The following COL2A1 variants were observed in gnomAD, a reference collection of about 807,000 sequenced individuals.
COL2A1 encodes the protein collagen alpha-1(II) chain.
A neutral mutation model predicts 204.5 loss-of-function variants in COL2A1; 28 were observed. The observed-to-expected ratio is 0.14, with a 90% CI of 0.10 to 0.19. The LOEUF is 0.19. COL2A1 is among the 10% of genes least tolerant of loss of function. The probability of loss-of-function intolerance (pLI) is 1.00; values close to 1 mark genes in which losing one functional copy is unlikely to be tolerated. For missense variants in COL2A1, 1,388 were observed against 2,027.5 expected (o/e 0.68, Z 6.06); for synonymous variants, 708 against 718.7 (o/e 0.99, Z 0.24).
chr12:47,997,770 T>G, intron 6 of COL2A1, 63 bp from the exon 7 acceptor site: 1 of 1,612,534 alleles, frequency 6.2e-7, no homozygotes, highest in Non-Finnish European at 8.5e-7. Context: ...CATCTGTCCC[T>G]TGGCTGCTCT....
intron 10 of COL2A1, among the ~76,000 whole-genome samples, 155 bp from the exon 11 acceptor site, chr12:47,995,463 G>A (rs1233354255): frequency 2.0e-5 from 3 of 152,224 alleles, no homozygotes; most frequent in Non-Finnish European, 2.9e-5. Flanking sequence ...ATAGTGGGAC[G>A]CAGCAGATAG....
In COL2A1 at chr12:47,976,826, G is replaced by A. The variant is rs746919836; in HGVS notation, c.3421C>T (p.Leu1141=). Residue 1141 remains leucine (L), a synonymous_variant, in exon 48 of 54, where the codon CTG becomes TTG. Coordinates refer to ENST00000380518, the MANE Select transcript of COL2A1 (RefSeq NM_001844.5). This position sits in a 1 kb window ranked among gnomAD's most constrained non-coding sequence, Gnocchi z 4.3. ...GTGACACTCACAGGAGGGCCGGGCA[G>A]ACCCTGCAGACCAGTGAAGCCACGG... The part of the protein sequence containing the change: ...GHRGFTGLQG[L]PGPPGPSGDQ... 1.2e-6 allele frequency: 2 copies of A among 1,613,186 alleles called. No homozygotes were observed. Among genetic ancestry groups the A allele is most frequent in the Non-Finnish European group, 1.7e-6 (2 of 1,179,686 alleles).
intron 53 of COL2A1, 87 bp downstream of exon 53, chr12:47,974,002 G>A: frequency 6.3e-7 from 1 of 1,589,924 alleles, no homozygotes; most frequent in Non-Finnish European, 8.6e-7. Context: ...GTCACTTTAG[G>A]ACCTGACAGC....
intron 52 of COL2A1, 101 bp downstream of exon 52, chr12:47,974,574 G>A: frequency 2.1e-6 from 3 of 1,407,492 alleles, no homozygotes; most frequent in Non-Finnish European, 3.0e-6. Context: ...CAGAAAACTG[G>A]AGGAAAATAT....
At chr12:47,986,725 A>G in intron 22 of COL2A1, 110 bp downstream of exon 22, 1 of 1,272,914 alleles carries the variant, frequency 7.9e-7, no homozygotes, top group Non-Finnish European at 1.2e-6. Flanking sequence ...GAAAGGACCC[A>G]GATTGGGGGA....
chr12:48,001,987 G>A (rs1940257686), intron 1 of COL2A1, among the ~76,000 whole-genome samples: 2 of 152,184 alleles, frequency 1.3e-5, no homozygotes, highest in Admixed American at 1.3e-4. Flanking sequence ...GGAGCCGAGA[G>A]GTGGCGGCGG....
chr12:47,983,194 C>T, intron 31 of COL2A1, 57 bp from the exon 32 acceptor site: 1 of 1,578,782 alleles, frequency 6.3e-7, no homozygotes, highest in Non-Finnish European at 8.7e-7. Context: ...GACCCCTGAA[C>T]AATTCTCCAC....
Position 47,980,982 on chromosome 12 carries a change from G to C in COL2A1, c.2464-14C>G, listed in dbSNP as rs1307399365. On this transcript the variant is annotated splice_polypyrimidine_tract_variant and intron_variant, in intron 37 of 53. Transcript: ENST00000380518. This position sits in a 1 kb window ranked among gnomAD's most constrained non-coding sequence, Gnocchi z 4.5. ...TCCACGTTCACCCTGTGAGAGAAGGGGGCATGGCGAGAGGTCAGGCCCCGC... is the reference window on the plus strand; with the variant it reads ...TCCACGTTCACCCTGTGAGAGAAGGCGGCATGGCGAGAGGTCAGGCCCCGC... 1 of 1,550,560 alleles carries C rather than the reference G, an allele frequency of 6.4e-7. No homozygotes were observed.
chr12:47,974,940 G>A, intron 51 of COL2A1, 78 bp from the exon 52 acceptor site: 4 of 1,443,862 alleles, frequency 2.8e-6, no homozygotes, highest in Non-Finnish European at 3.8e-6. Context: ...AGGCCTGACT[G>A]AAAGAGACAG....
intron 16 of COL2A1, among the ~76,000 whole-genome samples, chr12:47,991,401 G>A (rs995720711): frequency 1.3e-5 from 2 of 152,212 alleles, no homozygotes; most frequent in African/African-American, 4.8e-5. Context: ...CACTAGATCA[G>A]CACTTGGATC....
At chr12:47,982,802 C>A in intron 33 of COL2A1, 46 bp downstream of exon 33, 3 of 1,534,546 alleles carry the variant, frequency 2.0e-6, no homozygotes, top group Non-Finnish European at 2.7e-6. Context: ...CTCAGTGGGA[C>A]TCCCAGGCTA....
rs758889025 is a variant in COL2A1 at position 47,976,079 on chromosome 12, G to A, written c.3490-9C>T. ...ACGGGGCCAGGAGGACCCTGCAAGA[G>A]AGAGAGGTCGTGAGGAAAGAGTGGT... On this transcript the variant is annotated splice_polypyrimidine_tract_variant and intron_variant, in intron 49 of 53. Coordinates refer to ENST00000380518, the MANE Select transcript of COL2A1 (RefSeq NM_001844.5). This position sits in a 1 kb window ranked among gnomAD's most constrained non-coding sequence, Gnocchi z 4.3. The A allele has an allele frequency of 1.2e-6, 2 of 1,600,094 alleles. No homozygotes were observed. Among genetic ancestry groups the A allele is most frequent in the African/African-American group, 1.3e-5 (1 of 74,796 alleles).
intron 36 of COL2A1, 23 bp downstream of exon 36, chr12:47,981,753 A>C: frequency 6.4e-7 from 1 of 1,551,626 alleles, no homozygotes; most frequent in Non-Finnish European, 8.7e-7. Flanking sequence ...CAAGGTGTGG[A>C]GAGGAAAGGA....
chr12:47,998,695 G>C (rs915920), intron 2 of COL2A1: 9,096 of 488,948 alleles, frequency 0.019, 349 homozygotes, highest in South Asian at 0.098. Context: ...AAAGGAGCAA[G>C]GGCAGCACAA....
intron 16 of COL2A1, 137 bp from the exon 17 acceptor site, chr12:47,989,942 T>C (rs1241794556): frequency 1.2e-6 from 1 of 803,250 alleles, no homozygotes; most frequent in East Asian, 2.5e-5. Flanking sequence ...TGGCGAGGTG[T>C]GGGCTGCAGT....
rs1247833308 is a variant in COL2A1, at chr12:47,982,224, C to G, written c.2302-64G>C. The G allele has an allele frequency of 1.7e-5, 25 of 1,443,866 alleles. No homozygotes were observed. In the East Asian group the frequency reaches 5.7e-4, roughly 33 times the overall value. 89.4% of individuals were successfully genotyped at this position (1,443,866 alleles called of 1,614,324 possible). A position where few individuals can be genotyped will look rare whatever the true frequency, so the allele number is the denominator to read the frequency against. On this transcript the variant is annotated intron_variant, in intron 34 of 53. Transcript: ENST00000380518. ...CCAGGACCCCCATGGTTTGCTCAGT[C>G]CCACCCAGGCTGGGGTGCTAGGGAA...
chr12:47,989,638 C>T (rs1257169414), intron 17 of COL2A1, 123 bp downstream of exon 17: 1 of 860,238 alleles, frequency 1.2e-6, no homozygotes, highest in Non-Finnish European at 2.0e-6. Context: ...TTTCCTCCCC[C>T]TTTCCAGTAG....
upstream of COL2A1, among the ~76,000 whole-genome samples, chr12:48,004,831 G>A (rs1185507844): frequency 2.0e-5 from 3 of 152,224 alleles, no homozygotes; most frequent in Non-Finnish European, 4.4e-5. Flanking sequence ...TGGAGGGGAG[G>A]GGGTGTTTGC....
Position 47,987,236 on chromosome 12 carries a change from C to T in COL2A1, c.1266+33G>A, listed in dbSNP as rs751138849. 6.8e-6 allele frequency: 11 copies of T among 1,613,902 alleles called. No individual in the cohort carries two copies. The Middle Eastern group carries it at 8.2e-4, about 121-fold the overall frequency. On this transcript the variant is annotated intron_variant, in intron 20 of 53. Coordinates refer to ENST00000380518, the MANE Select transcript of COL2A1 (RefSeq NM_001844.5). This position sits in a 1 kb window ranked among gnomAD's most constrained non-coding sequence, Gnocchi z 4.1. ...GAGGGGAGAGGCAGGACTGGGCTCT[C>T]CTGGGGTAGCAAAGTCCACGGGCAA...
Sources: gnomAD v4.1 joint callset for allele counts (sites outside exome capture counted in the v4.1 genomes callset) on GRCh38, gnomAD v4.1.1 for gene constraint, Gnocchi (gnomAD v3.1) non-coding constraint, MANE v1.5 for transcripts, NCBI Gene and HGNC (gene_info 2026-07-23, HGNC 2026-07-21) for gene names.